PCDHGA5: variants seen among roughly 807,000 people sequenced by gnomAD.
PCDHGA5 encodes the protein protocadherin gamma subfamily A, 5.
PCDHGA5 carries 36 observed loss-of-function variants against 56.7 expected under a neutral mutation model. That is an observed-to-expected ratio of 0.64 (90% CI 0.49 to 0.84). The LOEUF (loss-of-function observed/expected upper bound fraction) is 0.84. Among genes scored for constraint, PCDHGA5 ranks in the 40% least tolerant of loss-of-function variants. PCDHGA5 has a pLI of 0.00. For synonymous variants in PCDHGA5, 563 were observed against 520.2 expected (o/e 1.08, Z -1.12); for missense variants, 1,305 against 1,201.5 (o/e 1.09, Z -1.27).
At chr5:141,372,228 A>C (rs755305090) in intron 1 of PCDHGA5, 1 of 1,613,414 alleles carries the variant, frequency 6.2e-7, no homozygotes, top group Non-Finnish European at 8.5e-7. Context: ...TGTGCAGGCC[A>C]GCGAGCCCGG....
chr5:141,417,980 C>G lies in PCDHGA5; in HGVS notation c.2421+51229C>G, dbSNP rs905203424. On this transcript the variant is annotated intron_variant, in intron 1 of 3. Coordinates refer to ENST00000518069, the MANE Select transcript of PCDHGA5 (RefSeq NM_018918.3). ...GATCCGCTACTCGATTCCGGAGGAG[C>G]TGGCCAAGGGCTCGGTGGTGGGGAA... is the stretch of plus-strand genomic sequence containing the variant. The G allele has an allele frequency of 1.9e-6, 3 of 1,613,738 alleles. No individual in the cohort carries two copies. In the African/African-American group the frequency reaches 4.0e-5, roughly 22 times the overall value.
intron 1 of PCDHGA5, chr5:141,388,620 G>A (rs2091421768): frequency 6.2e-7 from 1 of 1,613,912 alleles, no homozygotes; most frequent in East Asian, 2.2e-5. Flanking sequence ...CAGTCAAGAC[G>A]TATACAGGGT....
chr5:141,422,656 G>A (rs759548203), intron 1 of PCDHGA5: 3 of 1,609,780 alleles, frequency 1.9e-6, no homozygotes, highest in Non-Finnish European at 1.7e-6. Context: ...CTCAGTGACC[G>A]CCCTCGACCC....
At chr5:141,384,783 G>A in intron 1 of PCDHGA5, 4 of 1,613,678 alleles carry the variant, frequency 2.5e-6, no homozygotes, top group South Asian at 1.1e-5. Flanking sequence ...AGGTGCGCAC[G>A]GCTCGGGCCC....
Position 141,366,329 on chromosome 5 carries a change from A to G in PCDHGA5, c.1999A>G (p.Arg667Gly), listed in dbSNP as rs1342085917. The change falls in exon 1 of 4, where the codon AGG becomes GGG. Residue 667 changes from arginine to glycine, a missense_variant. By Grantham distance (125) the Arg-to-Gly change is moderately radical (BLOSUM62 -2). Coordinates refer to ENST00000518069, the MANE Select transcript of PCDHGA5 (RefSeq NM_018918.3). Reference sequence around the variant, plus strand: ...CACGGTCACCGTTGCCGTGGCCGACAGGATCCCTGACATCCTGGCTGACCT... The same window carrying G: ...CACGGTCACCGTTGCCGTGGCCGACGGGATCCCTGACATCCTGGCTGACCT... ...TFTVTVAVAD[R>G]IPDILADLGS... The G allele has an allele frequency of 6.2e-7, 1 of 1,613,868 alleles. No individual in the cohort carries two copies. Among genetic ancestry groups the G allele is most frequent in the South Asian group, 1.1e-5 (1 of 91,092 alleles).
At chr5:141,471,495 T>A (rs539663010) in intron 1 of PCDHGA5, 1 of 152,318 alleles carries the variant, frequency 6.6e-6, no homozygotes, top group East Asian at 1.9e-4. Flanking sequence ...ATTTAGGGAA[T>A]GCAAGAGAGG....
chr5:141,470,444 A>G (rs970120314), intron 1 of PCDHGA5, among the ~76,000 whole-genome samples: 8 of 152,222 alleles, frequency 5.3e-5, no homozygotes, highest in African/African-American at 1.9e-4. Context: ...ATAATTTAAT[A>G]GCATCTTGAA....
At chr5:141,418,868 G>A in intron 1 of PCDHGA5, 2 of 1,613,998 alleles carry the variant, frequency 1.2e-6, no homozygotes, top group Non-Finnish European at 1.7e-6. Flanking sequence ...AATTGTAGAA[G>A]TTGTAGACGA....
At chr5:141,422,503 A>G (rs2096653107) in intron 1 of PCDHGA5, 2 of 1,613,924 alleles carry the variant, frequency 1.2e-6, no homozygotes, top group Non-Finnish European at 1.7e-6. Context: ...GTTGACAGCC[A>G]CAGACCAGGG....
intron 1 of PCDHGA5, chr5:141,409,995 CG>C: frequency 1.2e-6 from 2 of 1,613,308 alleles, no homozygotes; most frequent in Non-Finnish European, 1.7e-6. Context: ...GACGCCGACT[CG>C]GGACACAACG....
intron 2 of PCDHGA5, among the ~76,000 whole-genome samples, chr5:141,501,052 A>G (rs1007055288): frequency 6.6e-6 from 1 of 151,988 alleles, no homozygotes; most frequent in Non-Finnish European, 1.5e-5. Flanking sequence ...TATTTTTAGT[A>G]GAGACGGGGT....
In PCDHGA5 at chr5:141,365,026, C is replaced by G. The variant is rs897510737; in HGVS notation, c.696C>G (p.Val232=). ...LSGTTHIRVT[V]LDANDNAPLF... ...GCACCACGCACATCCGTGTTACGGT[C>G]CTCGACGCAAACGACAATGCGCCCC... is the stretch of plus-strand genomic sequence containing the variant. Residue 232 remains valine (V), a synonymous_variant, in exon 1 of 4, where the codon GTC becomes GTG. Transcript: ENST00000518069. 4 of 1,613,890 alleles carry G rather than the reference C, an allele frequency of 2.5e-6. No homozygotes were observed. The highest frequency in any genetic ancestry group is 3.4e-6 in the Non-Finnish European group (4 of 1,179,894).
intron 1 of PCDHGA5, among the ~76,000 whole-genome samples, chr5:141,451,522 A>G (rs1387873094): frequency 6.6e-6 from 1 of 152,200 alleles, no homozygotes; most frequent in Non-Finnish European, 1.5e-5. Flanking sequence ...TAGAGCAAGT[A>G]AAGGAGAGTG....
intron 1 of PCDHGA5, chr5:141,423,421 G>A (rs772863950): frequency 1.2e-6 from 2 of 1,614,080 alleles, no homozygotes; most frequent in Non-Finnish European, 1.7e-6. Flanking sequence ...TTCTGAAGGC[G>A]GGTTGGCAGG....
At chr5:141,433,422 A>G (rs1172678396) in intron 1 of PCDHGA5, among the ~76,000 whole-genome samples, 1 of 150,646 alleles carries the variant, frequency 6.6e-6, no homozygotes, top group Admixed American at 6.6e-5. Context: ...TCTTGTACAG[A>G]CAGGAGTCTC....
Position 141,365,374 on chromosome 5 carries a change from CCTCACCTCTCT to C in PCDHGA5, c.1045_1055del (p.Leu349AspfsTer6). The C allele has an allele frequency of 6.2e-7, 1 of 1,613,808 alleles. No homozygotes were observed. Among genetic ancestry groups the C allele is most frequent in the African/African-American group, 1.3e-5 (1 of 74,884 alleles). On this transcript the variant is annotated frameshift_variant, in exon 1 of 4. Transcript: ENST00000518069. LOFTEE classifies it high-confidence loss of function. ...TGAATGACAATGCCCCCGAAGTGAT[CCTCACCTCTCT>C]GACCAGTTCGATCTCTGAAGACTGT...
At chr5:141,389,664 G>T (rs1182835621) in intron 1 of PCDHGA5, 1 of 1,612,328 alleles carries the variant, frequency 6.2e-7, no homozygotes, top group African/African-American at 1.3e-5. Context: ...GGCGGTGGAC[G>T]CAGACTCAGG....
chr5:141,422,616 C>T, intron 1 of PCDHGA5: 1 of 1,613,714 alleles, frequency 6.2e-7, no homozygotes. Flanking sequence ...CCTACATTCC[C>T]GAAAACAACC....
intron 1 of PCDHGA5, among the ~76,000 whole-genome samples, chr5:141,454,250 C>T (rs1453631901): frequency 6.6e-6 from 1 of 151,974 alleles, no homozygotes; most frequent in African/African-American, 2.4e-5. Context: ...TGAAGATGTC[C>T]CAGAGAAAGT....
Sources: allele counts gnomAD v4.1 joint callset (sites outside exome capture counted in the v4.1 genomes callset), GRCh38; gene constraint gnomAD v4.1.1; transcripts MANE v1.5; gene names NCBI Gene and HGNC (gene_info 2026-07-23, HGNC 2026-07-21).